PFKFB3: variants seen among roughly 807,000 people sequenced by gnomAD.
PFKFB3 encodes 6-phosphofructo-2-kinase/fructose-2,6-bisphosphatase 3.
In PFKFB3, 33 loss-of-function variants were observed where a neutral mutation model predicts 68.0. The observed-to-expected ratio is 0.49, with a 90% CI of 0.37 to 0.65. The LOEUF (loss-of-function observed/expected upper bound fraction) is 0.65, where lower values mean the gene tolerates loss of function less well. PFKFB3 is among the 30% of genes least tolerant of loss of function. The pLI is 0.00. For synonymous variants in PFKFB3, 315 were observed against 288.2 expected (o/e 1.09, Z -0.94); for missense variants, 586 against 712.2 (o/e 0.82, Z 2.02).
chr10:6,265,640 T>A, the PFKFB3 span, among the ~76,000 whole-genome samples: 1 of 152,254 alleles, frequency 6.6e-6, no homozygotes, highest in African/African-American at 2.4e-5. Flanking sequence ...TATTGTTCAA[T>A]TTTTCCACCG....
chr10:6,269,437 G>T, the PFKFB3 span, among the ~76,000 whole-genome samples: 1 of 152,108 alleles, frequency 6.6e-6, no homozygotes, highest in Non-Finnish European at 1.5e-5. Flanking sequence ...GGGACTACAG[G>T]TATGCACCAC....
intron 6 of PFKFB3, among the ~76,000 whole-genome samples, chr10:6,218,256 A>G (rs1844723215): frequency 6.6e-6 from 1 of 152,140 alleles, no homozygotes; most frequent in Non-Finnish European, 1.5e-5. Flanking sequence ...CCACTAGCAG[A>G]TAATCATTTG....
the PFKFB3 span, among the ~76,000 whole-genome samples, chr10:6,260,802 G>T: frequency 2.0e-5 from 3 of 152,134 alleles, no homozygotes; most frequent in Admixed American, 1.3e-4. Context: ...ATTTGGTCAT[G>T]TGTGTTTTTC....
chr10:6,230,840 C>T (rs1455277887), intron 14 of PFKFB3, among the ~76,000 whole-genome samples: 3 of 152,022 alleles, frequency 2.0e-5, no homozygotes, highest in East Asian at 1.9e-4. Flanking sequence ...CTCAACCTCC[C>T]GAGTAGCTGG....
chr10:6,272,694 CA>C, the PFKFB3 span, among the ~76,000 whole-genome samples: 1 of 150,810 alleles, frequency 6.6e-6, no homozygotes, highest in African/African-American at 2.4e-5. Flanking sequence ...GACTCTGTCT[CA>C]AAAAAAAGAA....
At chr10:6,231,482 G>T (rs775973809) in intron 14 of PFKFB3, 288 of 985,200 alleles carry the variant, frequency 2.9e-4, no homozygotes, top group Non-Finnish European at 3.3e-4. Context: ...CACCCCCCAC[G>T]TGTCCTGAGC....
chr10:6,198,488 A>C (rs1015100622), upstream of PFKFB3, among the ~76,000 whole-genome samples: 5 of 152,144 alleles, frequency 3.3e-5, no homozygotes, highest in African/African-American at 7.2e-5. Flanking sequence ...GTAGAAAAAT[A>C]ATAATTTTTT....
At chr10:6,311,303 C>A in the PFKFB3 span, among the ~76,000 whole-genome samples, 1 of 152,090 alleles carries the variant, frequency 6.6e-6, no homozygotes, top group African/African-American at 2.4e-5. Flanking sequence ...CTGCATGGGC[C>A]GCCATGGAAA....
intron 13 of PFKFB3, among the ~76,000 whole-genome samples, chr10:6,224,780 C>T (rs1845217113): frequency 1.3e-5 from 2 of 152,094 alleles, no homozygotes; most frequent in South Asian, 2.1e-4. Context: ...GCCGTTGTGC[C>T]CAGCGTCTCT....
At chr10:6,167,067 G>A (rs568493361) in intron 1 of PFKFB3, among the ~76,000 whole-genome samples, 1 of 152,110 alleles carries the variant, frequency 6.6e-6, no homozygotes, top group Non-Finnish European at 1.5e-5. Context: ...TGATGGGCCC[G>A]CCTCGGCCTC....
intron 1 of PFKFB3, among the ~76,000 whole-genome samples, chr10:6,190,783 C>T (rs1207286246): frequency 6.6e-6 from 1 of 152,080 alleles, no homozygotes; most frequent in African/African-American, 2.4e-5. Context: ...TGCCTCATGT[C>T]TCTATTTATT....
downstream of PFKFB3, among the ~76,000 whole-genome samples, chr10:6,256,512 C>T (rs887773301): frequency 3.9e-5 from 6 of 152,216 alleles, no homozygotes; most frequent in Non-Finnish European, 4.4e-5. Flanking sequence ...GCGCCTTCTT[C>T]GCATACTTCA....
the PFKFB3 span, among the ~76,000 whole-genome samples, chr10:6,273,428 C>T: frequency 2.6e-5 from 4 of 152,114 alleles, no homozygotes; most frequent in Non-Finnish European, 5.9e-5. Flanking sequence ...ATGCAACCTA[C>T]AATCGCACGG....
intron 1 of PFKFB3, among the ~76,000 whole-genome samples, chr10:6,173,779 C>T (rs1482712440): frequency 2.6e-5 from 4 of 151,962 alleles, no homozygotes; most frequent in African/African-American, 9.7e-5. Context: ...AGAGGACCTT[C>T]CGTGAAGCCT....
At chr10:6,261,617 G>C in the PFKFB3 span, among the ~76,000 whole-genome samples, 1 of 152,186 alleles carries the variant, frequency 6.6e-6, no homozygotes, top group Non-Finnish European at 1.5e-5. Flanking sequence ...CCAGCACTTT[G>C]GGAGGCCGAG....
the PFKFB3 span, among the ~76,000 whole-genome samples, chr10:6,264,093 C>T: frequency 6.6e-6 from 1 of 152,186 alleles, no homozygotes; most frequent in African/African-American, 2.4e-5. Context: ...TCACTTTTTC[C>T]CCATATCGAA....
At chr10:6,213,535 A>G in intron 1 of PFKFB3, 88 bp from the exon 2 acceptor site, 1 of 1,453,936 alleles carries the variant, frequency 6.9e-7, no homozygotes, top group Non-Finnish European at 9.3e-7. Context: ...TTTTGGTGAA[A>G]TTCTTCAGTG....
chr10:6,217,570 A>G (rs11813270), intron 6 of PFKFB3, among the ~76,000 whole-genome samples: 7,172 of 151,876 alleles, frequency 0.047, 591 homozygotes, highest in African/African-American at 0.16. Context: ...CTACAGCTCC[A>G]GGAGGTAAGA....
At chr10:6,322,627 C>G in the PFKFB3 span, among the ~76,000 whole-genome samples, 1 of 152,240 alleles carries the variant, frequency 6.6e-6, no homozygotes, top group Non-Finnish European at 1.5e-5. Context: ...TCGTGATGCT[C>G]CAGTAACACT....
Sources: gnomAD v4.1 joint callset for allele counts (sites outside exome capture counted in the v4.1 genomes callset) on GRCh38, gnomAD v4.1.1 for gene constraint, MANE v1.5 for transcripts, NCBI Gene and HGNC (gene_info 2026-07-23, HGNC 2026-07-21) for gene names.